HYCC2: variants seen among roughly 807,000 people sequenced by gnomAD.
HYCC2 encodes hyccin PI4KA lipid kinase complex subunit 2.
the HYCC2 span, chr2:200,975,896 A>G: frequency 6.6e-6 from 1 of 152,126 alleles, no homozygotes; most frequent in Non-Finnish European, 1.5e-5. Context: ...GCTCAGTACC[A>G]GTATGATATA....
chr2:201,032,182 G>A, the HYCC2 span, among the ~76,000 whole-genome samples: 3 of 151,940 alleles, frequency 2.0e-5, no homozygotes, highest in Non-Finnish European at 4.4e-5. Flanking sequence ...AGCTGGTCTC[G>A]AACTCCTGAC....
chr2:200,989,467 T>C, the HYCC2 span, among the ~76,000 whole-genome samples: 2 of 152,162 alleles, frequency 1.3e-5, no homozygotes, highest in African/African-American at 4.8e-5. Flanking sequence ...GCTACCTCAA[T>C]AAATTTATAT....
chr2:200,979,134 T>C, the HYCC2 span: 3 of 152,150 alleles, frequency 2.0e-5, no homozygotes, highest in Non-Finnish European at 4.4e-5. Flanking sequence ...TAGTATGTTA[T>C]GGGCCTTTAT....
the HYCC2 span, among the ~76,000 whole-genome samples, chr2:201,048,623 C>T: frequency 2.4e-4 from 37 of 151,468 alleles, no homozygotes; most frequent in Non-Finnish European, 4.4e-4. Flanking sequence ...GTAGATACCC[C>T]GATGTAGAAA....
the HYCC2 span, among the ~76,000 whole-genome samples, chr2:201,057,922 C>A: frequency 6.6e-6 from 1 of 152,124 alleles, no homozygotes; most frequent in Admixed American, 6.6e-5. Flanking sequence ...GCCTTTGTAA[C>A]CAGTATTTGC....
the HYCC2 span, among the ~76,000 whole-genome samples, chr2:201,048,181 A>G: frequency 6.6e-6 from 1 of 152,168 alleles, no homozygotes; most frequent in Non-Finnish European, 1.5e-5. Flanking sequence ...AGTTTGTATT[A>G]TACTGTAAAA....
chr2:201,063,230 G>C, the HYCC2 span: 4 of 1,601,246 alleles, frequency 2.5e-6, no homozygotes, highest in Non-Finnish European at 3.4e-6. Context: ...GGTAATGAGA[G>C]ATCCAAACAC....
chr2:200,993,526 ATAC>A, the HYCC2 span, among the ~76,000 whole-genome samples: 2 of 152,240 alleles, frequency 1.3e-5, no homozygotes, highest in Non-Finnish European at 2.9e-5. Flanking sequence ...CAGTTGTAAT[ATAC>A]TACATTATTT....
the HYCC2 span, among the ~76,000 whole-genome samples, chr2:201,001,022 C>T: frequency 0.028 from 4,232 of 150,980 alleles, 86 homozygotes; most frequent in Middle Eastern, 0.052. Context: ...CCTGTAGTAC[C>T]AACTATTCAA....
At chr2:201,009,056 T>C in the HYCC2 span, 1 of 1,613,824 alleles carries the variant, frequency 6.2e-7, no homozygotes, top group East Asian at 2.2e-5. Flanking sequence ...ACAATGCCCC[T>C]TCTGTCAAAG....
the HYCC2 span, among the ~76,000 whole-genome samples, chr2:201,049,868 A>T: frequency 6.6e-6 from 1 of 152,048 alleles, no homozygotes; most frequent in Admixed American, 6.5e-5. Flanking sequence ...TTATTTTTTA[A>T]ATTTAAAATT....
chr2:200,987,446 C>A, the HYCC2 span: 1 of 1,289,834 alleles, frequency 7.8e-7, no homozygotes, highest in Non-Finnish European at 1.0e-6. Flanking sequence ...CCCTCTTGCA[C>A]ACGTTTGATC....
At chr2:201,010,822 T>A in the HYCC2 span, among the ~76,000 whole-genome samples, 13 of 151,926 alleles carry the variant, frequency 8.6e-5, no homozygotes, top group Admixed American at 1.3e-4. Flanking sequence ...AAGAATTTTT[T>A]AAAAATTCAT....
At chr2:201,043,245 GTCATCA>G in the HYCC2 span, among the ~76,000 whole-genome samples, 1 of 151,924 alleles carries the variant, frequency 6.6e-6, no homozygotes, top group Non-Finnish European at 1.5e-5. Flanking sequence ...CTCCTTAAGA[GTCATCA>G]CCACTCCCTA....
At chr2:200,987,861 A>C in the HYCC2 span, among the ~76,000 whole-genome samples, 1 of 152,238 alleles carries the variant, frequency 6.6e-6, no homozygotes, top group Non-Finnish European at 1.5e-5. Flanking sequence ...ATAAAAATCC[A>C]AAATCAAGAA....
chr2:200,993,075 C>A, the HYCC2 span: 2 of 1,080,696 alleles, frequency 1.9e-6, no homozygotes, highest in South Asian at 1.3e-5. Flanking sequence ...TTCCTAAATT[C>A]ATTTATTCAA....
At chr2:201,064,023 G>A in the HYCC2 span, 2 of 1,595,634 alleles carry the variant, frequency 1.3e-6, no homozygotes, top group Non-Finnish European at 1.7e-6. Context: ...AGCAGTAGCA[G>A]TAGCTATGGC....
At chr2:201,070,415 G>A in the HYCC2 span, among the ~76,000 whole-genome samples, 2 of 152,096 alleles carry the variant, frequency 1.3e-5, no homozygotes, top group Non-Finnish European at 2.9e-5. Context: ...CACTTTGGGA[G>A]GCCGAGGCGG....
the HYCC2 span, among the ~76,000 whole-genome samples, chr2:201,055,192 AT>A: frequency 4.4e-4 from 67 of 151,768 alleles, no homozygotes; most frequent in South Asian, 0.014. Context: ...TTTTTCCTCA[AT>A]TTTTTTTATT....
Sources: allele counts gnomAD v4.1 joint callset (sites outside exome capture counted in the v4.1 genomes callset), GRCh38; gene constraint gnomAD v4.1.1; transcripts MANE v1.5; gene names NCBI Gene and HGNC (gene_info 2026-07-23, HGNC 2026-07-21).